Variants in C3orf49 observed in about 807,000 individuals in gnomAD.
C3orf49 encodes putative uncharacterized protein C3orf49.
Under a neutral mutation model 13.3 loss-of-function variants are expected in C3orf49, and 27 were observed. The ratio of observed to expected loss-of-function variants is 2.02; its 90% confidence interval spans 1.49 to 2.79. The LOEUF is 2.79. Ranked by LOEUF, C3orf49 falls within the 30% of genes most tolerant of loss-of-function variation. The pLI is 0.00. For synonymous variants in C3orf49, 87 were observed against 47.6 expected, an observed-to-expected ratio of 1.83 and a Z score of -3.40; for missense variants, 242 against 134.2, an observed-to-expected ratio of 1.80 and a Z score of -3.97.
the C3orf49 span, chr3:63,804,935 C>T: frequency 6.6e-6 from 1 of 152,136 alleles, no homozygotes; most frequent in African/African-American, 2.4e-5. Flanking sequence ...AGAGTGGTCA[C>T]CAAATTAATA....
At chr3:63,832,239 C>A (rs1701544342) in intron 5 of C3orf49, 1 of 157,950 alleles carries the variant, frequency 6.3e-6, no homozygotes. Flanking sequence ...AGATTCTTAT[C>A]TTTTGGTACT....
At chr3:63,838,178 T>TA (rs1701673698) in intron 5 of C3orf49, 3 of 1,061,016 alleles carry the variant, frequency 2.8e-6, no homozygotes, top group Non-Finnish European at 4.0e-6. Flanking sequence ...CTAGTATTTT[T>TA]AAAAAATAGC....
chr3:63,815,238 C>T (rs1575793123), upstream of C3orf49, among the ~76,000 whole-genome samples: 2 of 152,166 alleles, frequency 1.3e-5, no homozygotes, highest in African/African-American at 4.8e-5. Flanking sequence ...ACTGTATCAT[C>T]CCCTATATCC....
intron 5 of C3orf49, chr3:63,835,415 A>G (rs189936714): frequency 2.7e-4 from 439 of 1,606,804 alleles, no homozygotes; most frequent in Middle Eastern, 1.8e-3. Context: ...ACAGTGTTAC[A>G]TTTTGCTGAA....
chr3:63,793,169 C>A, the C3orf49 span, among the ~76,000 whole-genome samples: 3 of 152,226 alleles, frequency 2.0e-5, no homozygotes, highest in African/African-American at 7.2e-5. Flanking sequence ...AGGGCAATGA[C>A]TATATCAACT....
the C3orf49 span, among the ~76,000 whole-genome samples, chr3:63,788,715 C>A: frequency 1.3e-5 from 2 of 149,812 alleles, no homozygotes. Context: ...CTATTATTAA[C>A]CCTATTACAA....
the C3orf49 span, among the ~76,000 whole-genome samples, chr3:63,794,228 C>A: frequency 4.6e-5 from 7 of 151,512 alleles, no homozygotes; most frequent in East Asian, 1.9e-4. Flanking sequence ...AACGAACATG[C>A]AATTACTCTA....
At chr3:63,789,163 C>T in the C3orf49 span, among the ~76,000 whole-genome samples, 4 of 152,092 alleles carry the variant, frequency 2.6e-5, no homozygotes, top group African/African-American at 9.7e-5. Flanking sequence ...ATTAGATTCT[C>T]ATTGGAGTGT....
intron 3 of C3orf49, among the ~76,000 whole-genome samples, chr3:63,829,222 G>A (rs541979384): frequency 6.6e-6 from 1 of 152,178 alleles, no homozygotes; most frequent in East Asian, 1.9e-4. Context: ...AGGTTTGGGG[G>A]GTATAGGGTG....
At chr3:63,787,016 C>G in the C3orf49 span, 1 of 152,088 alleles carries the variant, frequency 6.6e-6, no homozygotes, top group Non-Finnish European at 1.5e-5. Flanking sequence ...ATTTACTTAA[C>G]AATTGTGTAG....
At position 63,831,174 on chromosome 3, in the gene C3orf49, A is replaced by T. The variant is rs1044581949; in HGVS notation, c.635A>T (p.Glu212Val). ...CTTAAAAAAAAGAAGCGTGGCATGG[A>T]AAACATCCTTCGAAAATCAGATTTG... is the stretch of plus-strand genomic sequence containing the variant. ...PALKKKKRGM[E>V]NILRKSDLTV... The change falls in exon 4 of 7, where the codon GAA becomes GTA. Residue 212 changes from glutamate to valine, a missense_variant. Transcript: ENST00000295896. 7.1e-6 allele frequency: 5 copies of T among 702,922 alleles called. No homozygotes were observed. The African/African-American group carries it at 8.7e-5, about 12-fold the overall frequency. 43.5% of individuals were successfully genotyped at this position (702,922 alleles called of 1,614,324 possible). A position where few individuals can be genotyped will look rare whatever the true frequency, so the allele number is the denominator to read the frequency against.
the C3orf49 span, among the ~76,000 whole-genome samples, chr3:63,794,699 T>C: frequency 1.3e-5 from 2 of 152,174 alleles, no homozygotes; most frequent in Admixed American, 1.3e-4. Flanking sequence ...GTCTGAGTTC[T>C]AGCAATTAGC....
rs1701705964 is a variant in C3orf49 at position 63,839,365 on chromosome 3, A to G, written c.850-5658A>G. On this transcript the variant is annotated intron_variant, in intron 5 of 6. Coordinates refer to ENST00000295896, the MANE Select transcript of C3orf49 (RefSeq NM_001355236.2). ...TTTTATTAGCAAAGGAGAAAATTCC[A>G]TTTAGATATTTTATCTTACTAAACA... Among the ~76,000 whole-genome samples, 3 of 152,178 alleles carry G rather than the reference A, an allele frequency of 2.0e-5. No individual in the cohort carries two copies. The South Asian group carries it at 6.2e-4, about 32-fold the overall frequency.
chr3:63,842,840 G>A (rs1701797410), intron 5 of C3orf49, among the ~76,000 whole-genome samples: 1 of 152,152 alleles, frequency 6.6e-6, no homozygotes, highest in Admixed American at 6.5e-5. Context: ...GGAATGCAGT[G>A]GCATGATCTC....
At chr3:63,838,982 G>C (rs1276179025) in intron 5 of C3orf49, among the ~76,000 whole-genome samples, 2 of 152,166 alleles carry the variant, frequency 1.3e-5, no homozygotes, top group African/African-American at 4.8e-5. Context: ...CTTAATGCTA[G>C]AAGTTTGACA....
At chr3:63,789,172 G>A in the C3orf49 span, among the ~76,000 whole-genome samples, 4 of 152,096 alleles carry the variant, frequency 2.6e-5, no homozygotes, top group Middle Eastern at 3.2e-3. Context: ...TCATTGGAGT[G>A]TGAACCCTAT....
At position 63,823,376 on chromosome 3, in the gene C3orf49, G is replaced by A. The variant is rs1230233733; in HGVS notation, c.252G>A (p.Thr84=). ...AAAATCAGAAAAGTAATTTGAAGAC[G>A]AAAGTGAAGACTGCTTTTGGGAGGA... is the stretch of plus-strand genomic sequence containing the variant. The part of the protein sequence containing the change: ...SQQNQKSNLK[T]KVKTAFGRML... The change falls in exon 2 of 7, where the codon ACG becomes ACA. Residue 84 remains threonine, a synonymous_variant. Transcript: ENST00000295896. 11 of 703,172 alleles carry A rather than the reference G, an allele frequency of 1.6e-5. No individual in the cohort carries two copies. Among genetic ancestry groups the A allele is most frequent in the Non-Finnish European group, 2.6e-5 (10 of 385,092 alleles). The allele number at this position is 703,172 out of a possible 1,614,324, so 43.6% of individuals were successfully genotyped here. A position where few individuals can be genotyped will look rare whatever the true frequency, so the allele number is the denominator to read the frequency against.
the C3orf49 span, among the ~76,000 whole-genome samples, chr3:63,787,889 A>G: frequency 6.6e-6 from 1 of 152,230 alleles, no homozygotes; most frequent in Non-Finnish European, 1.5e-5. Context: ...AGGAGCCATC[A>G]GTTTTTCTGG....
At chr3:63,823,142 TCTGAA>T in intron 1 of C3orf49, 103 bp from the exon 2 acceptor site, 1 of 572,526 alleles carries the variant, frequency 1.7e-6, no homozygotes, top group South Asian at 2.3e-5. Context: ...ATTTTTTTTT[TCTGAA>T]TTGTATAATT....
Sources: gnomAD v4.1 joint callset for allele counts (sites outside exome capture counted in the v4.1 genomes callset) on GRCh38, gnomAD v4.1.1 for gene constraint, MANE v1.5 for transcripts, NCBI Gene and HGNC (gene_info 2026-07-23, HGNC 2026-07-21) for gene names.